The following DIAPH3 variants were observed in gnomAD, a reference collection of about 807,000 sequenced individuals.
DIAPH3 encodes the protein protein diaphanous homolog 3.
DIAPH3 carries 117 observed loss-of-function variants against 144.3 expected under a neutral mutation model. The ratio of observed to expected loss-of-function variants is 0.81; its 90% CI spans 0.70 to 0.95. The LOEUF (loss-of-function observed/expected upper bound fraction) is 0.95. Among genes scored for constraint, DIAPH3 ranks in the 40% least tolerant of loss-of-function variants. The pLI is 0.00. For missense variants in DIAPH3, 1,421 were observed against 1,412.7 expected, an observed-to-expected ratio of 1.01 and a Z score of -0.09; for synonymous variants, 519 against 488.9, an observed-to-expected ratio of 1.06 and a Z score of -0.81.
chr13:59,771,133 A>T (rs1178901772), intron 27 of DIAPH3, among the ~76,000 whole-genome samples: 7 of 152,030 alleles, frequency 4.6e-5, no homozygotes, highest in Non-Finnish European at 7.4e-5. Context: ...CTTTACCAGA[A>T]TTTTTTTCTA....
chr13:59,799,375 G>GCGCACACACA (rs1357000533), intron 25 of DIAPH3, among the ~76,000 whole-genome samples: 7 of 139,248 alleles, frequency 5.0e-5, no homozygotes, highest in African/African-American at 1.9e-4. Context: ...CTGGAAATAT[G>GCGCACACACA]CACACACACA....
At chr13:59,836,610 G>A (rs991594682) in intron 23 of DIAPH3, among the ~76,000 whole-genome samples, 14 of 151,762 alleles carry the variant, frequency 9.2e-5, no homozygotes, top group African/African-American at 3.4e-4. Context: ...ATCATCGAGT[G>A]CTATTAGTAA....
chr13:59,964,837 C>G (rs1233142908), intron 17 of DIAPH3, among the ~76,000 whole-genome samples: 1 of 152,106 alleles, frequency 6.6e-6, no homozygotes, highest in Non-Finnish European at 1.5e-5. Flanking sequence ...ATATTTCATT[C>G]TCTACTGACT....
At chr13:59,813,802 G>T (rs2040618619) in intron 24 of DIAPH3, among the ~76,000 whole-genome samples, 1 of 148,890 alleles carries the variant, frequency 6.7e-6, no homozygotes, top group Admixed American at 6.7e-5. Flanking sequence ...AGAGGTTTCA[G>T]TGAGCCGAGA....
At chr13:59,932,075 A>T (rs181558143) in intron 17 of DIAPH3, among the ~76,000 whole-genome samples, 15 of 152,270 alleles carry the variant, frequency 9.9e-5, no homozygotes, top group African/African-American at 3.6e-4. Flanking sequence ...GCTAATAAAA[A>T]AGTTAGTAGG....
intron 3 of DIAPH3, among the ~76,000 whole-genome samples, chr13:60,104,686 A>T (rs1188331673): frequency 6.6e-6 from 1 of 152,206 alleles, no homozygotes; most frequent in African/African-American, 2.4e-5. Flanking sequence ...ATATTCAGAA[A>T]GCTGCACAAC....
In DIAPH3 at chr13:59,706,928, A is replaced by G. The variant is rs2034462559; in HGVS notation, c.3320-40082T>C. ...TAACAAAAATATGTTGCTATTTTAT[A>G]GTAATAACACATATTTTCCATGGGA... On this transcript the variant is annotated intron_variant, in intron 27 of 27. Transcript: ENST00000400324. Among the ~76,000 whole-genome samples, 3 of 152,232 alleles carry G rather than the reference A, an allele frequency of 2.0e-5. No homozygotes were observed. The South Asian group carries it at 6.2e-4, about 32-fold the overall frequency.
chr13:59,911,296 A>C (rs971746776), intron 20 of DIAPH3, among the ~76,000 whole-genome samples: 5 of 152,200 alleles, frequency 3.3e-5, no homozygotes, highest in African/African-American at 1.2e-4. Flanking sequence ...TTCATTTTTC[A>C]TCCTCATTGC....
In DIAPH3 at chr13:59,861,514, T is replaced by C. The variant is rs2043585731; in HGVS notation, c.2630A>G (p.Asp877Gly). Residue 877 changes from aspartate to glycine, a missense_variant, in exon 22 of 28, where the codon GAT (aspartate) becomes GGT (glycine). Coordinates refer to ENST00000400324, the MANE Select transcript of DIAPH3 (RefSeq NM_001042517.2). ...GAAATGAAGTAGCGTTGTTTTCTGA[T>C]CTGCTGATTTTGTGTCCTTTAGCTA... ...LCKLKDTKSA[D>G]QKTTLLHFLV... 2 of 1,613,626 alleles carry C rather than the reference T, an allele frequency of 1.2e-6. No individual in the cohort carries two copies. The highest frequency in any genetic ancestry group is 1.7e-6 in the Non-Finnish European group (2 of 1,179,858).
At chr13:59,791,184 G>A (rs1593864532) in intron 25 of DIAPH3, among the ~76,000 whole-genome samples, 1 of 152,150 alleles carries the variant, frequency 6.6e-6, no homozygotes, top group African/African-American at 2.4e-5. Context: ...TGCTCAGGAT[G>A]GTCTCAAACT....
intron 17 of DIAPH3, among the ~76,000 whole-genome samples, chr13:59,967,462 C>T (rs1267101731): frequency 6.6e-6 from 1 of 152,064 alleles, no homozygotes; most frequent in African/African-American, 2.4e-5. Flanking sequence ...CATTTGGACC[C>T]AATGCCTCAG....
chr13:60,090,486 C>CA (rs1327364655), intron 4 of DIAPH3, among the ~76,000 whole-genome samples: 2 of 151,700 alleles, frequency 1.3e-5, no homozygotes, highest in African/African-American at 4.8e-5. Flanking sequence ...GTACTATTTT[C>CA]AAAAAAATAA....
intron 25 of DIAPH3, among the ~76,000 whole-genome samples, chr13:59,783,719 G>A (rs1476550181): frequency 1.3e-5 from 2 of 152,128 alleles, no homozygotes; most frequent in Non-Finnish European, 2.9e-5. Flanking sequence ...AGGGCAAGAA[G>A]AACAGCACCT....
intron 5 of DIAPH3, among the ~76,000 whole-genome samples, chr13:60,029,393 C>G (rs1023066751): frequency 3.9e-5 from 6 of 152,112 alleles, no homozygotes; most frequent in African/African-American, 7.2e-5. Flanking sequence ...TCAATTCTCC[C>G]TAATATGATT....
chr13:60,062,555 G>T (rs994292754), intron 4 of DIAPH3, among the ~76,000 whole-genome samples: 1 of 152,102 alleles, frequency 6.6e-6, no homozygotes, highest in Non-Finnish European at 1.5e-5. Flanking sequence ...CATCATGAAT[G>T]AATAAGGATA....
chr13:59,917,639 C>A (rs1033609118), intron 18 of DIAPH3, among the ~76,000 whole-genome samples: 1 of 151,498 alleles, frequency 6.6e-6, no homozygotes, highest in African/African-American at 2.4e-5. Flanking sequence ...GCCTGTAATC[C>A]CAGCACTTTG....
At chr13:59,908,344 C>G (rs994619032) in intron 20 of DIAPH3, among the ~76,000 whole-genome samples, 1 of 118,250 alleles carries the variant, frequency 8.5e-6, no homozygotes, top group Non-Finnish European at 1.6e-5. Context: ...GTACTCCAGC[C>G]TGGTGACAGA....
At chr13:60,057,373 A>C (rs779084270) in intron 4 of DIAPH3, among the ~76,000 whole-genome samples, 6 of 152,036 alleles carry the variant, frequency 3.9e-5, no homozygotes, top group African/African-American at 9.7e-5. Context: ...GGAGAACAAG[A>C]AAACACTGCT....
intron 8 of DIAPH3, 31 bp from the exon 9 acceptor site, chr13:60,008,680 A>C: frequency 7.2e-7 from 1 of 1,379,966 alleles, no homozygotes; most frequent in Middle Eastern, 1.8e-4. Context: ...ATTAAATTGC[A>C]AGTAGCAAAC....
Sources: gnomAD v4.1 joint callset for allele counts (sites outside exome capture counted in the v4.1 genomes callset) on GRCh38, gnomAD v4.1.1 for gene constraint, MANE v1.5 for transcripts, NCBI Gene and HGNC (gene_info 2026-07-23, HGNC 2026-07-21) for gene names.